KIAA1549: variants seen among roughly 807,000 people sequenced by gnomAD.
KIAA1549 encodes UPF0606 protein KIAA1549.
A neutral mutation model predicts 156.4 loss-of-function variants in KIAA1549; 70 were observed. The ratio of observed to expected loss-of-function variants is 0.45; its 90% CI spans 0.37 to 0.55. The LOEUF is 0.55. Among genes scored for constraint, KIAA1549 ranks in the 20% least tolerant of loss-of-function variants. KIAA1549 has a pLI of 0.00. For synonymous variants in KIAA1549, 1,103 were observed against 1,066.4 expected (o/e 1.03, Z -0.67); for missense variants, 2,428 against 2,540.9 (o/e 0.96, Z 0.96).
rs1370495815 is a variant in KIAA1549 at position 138,907,087 on chromosome 7, T to C, written c.3292A>G (p.Ile1098Val). ...NLTVQILNITISSSRVTPRRG... is the reference protein window; with the variant it reads ...NLTVQILNITVSSSRVTPRRG... ...CGAGGAGTCACCCTTGAGGAACTGA[T>C]GGTGATATTCAAGATCTGAAAGAAT... is the stretch of plus-strand genomic sequence containing the variant. The change falls in exon 6 of 20, where the codon ATC becomes GTC. Residue 1098 changes from isoleucine (I) to valine (V), a missense_variant. By Grantham distance (29) the Ile-to-Val change is conservative. Transcript: ENST00000422774. The C allele has an allele frequency of 6.3e-6, 10 of 1,593,478 alleles. No homozygotes were observed. The African/African-American group carries it at 6.8e-5, about 11-fold the overall frequency.
chr7:138,882,255 G>C (rs1178454281), intron 10 of KIAA1549, among the ~76,000 whole-genome samples: 3 of 152,212 alleles, frequency 2.0e-5, no homozygotes, highest in Admixed American at 1.3e-4. Context: ...AGTGAACATG[G>C]GAAGGAATGA....
intron 1 of KIAA1549, among the ~76,000 whole-genome samples, chr7:138,948,336 G>C (rs1813394396): frequency 6.6e-6 from 1 of 152,162 alleles, no homozygotes; most frequent in Non-Finnish European, 1.5e-5. Flanking sequence ...AGACAGCCAT[G>C]TGGCTGGGGT....
intron 2 of KIAA1549, among the ~76,000 whole-genome samples, chr7:138,914,187 C>T (rs1812249770): frequency 6.6e-6 from 1 of 152,124 alleles, no homozygotes; most frequent in Non-Finnish European, 1.5e-5. Context: ...GGTCTAAATG[C>T]CACTCTGCAA....
intron 17 of KIAA1549, among the ~76,000 whole-genome samples, chr7:138,851,417 C>T (rs1207003537): frequency 6.6e-6 from 1 of 152,092 alleles, no homozygotes; most frequent in African/African-American, 2.4e-5. Flanking sequence ...GGACAATGGA[C>T]CTTATCTCCA....
chr7:138,919,244 G>A lies in KIAA1549; in HGVS notation c.382C>T (p.Gln128Ter). 1 of 1,614,012 alleles carries A rather than the reference G, an allele frequency of 6.2e-7. No individual in the cohort carries two copies. The highest frequency in any genetic ancestry group is 8.5e-7 in the Non-Finnish European group (1 of 1,179,902). ...FDTAFFNQGK[Q>*]TKSTADPSIF... ...CTGGGATCTGCTGTACTTTTGGTCT[G>A]TTTTCCTTGGTTAAAAAAGGCTGTA... Residue 128 changes from glutamine to a stop codon, truncating the protein, a stop_gained, in exon 2 of 20, where the codon CAG becomes TAG. Coordinates refer to ENST00000422774, the MANE Select transcript of KIAA1549 (RefSeq NM_001164665.2). LOFTEE classifies it high-confidence loss of function.
chr7:138,850,113 G>T (rs961659663), intron 17 of KIAA1549, among the ~76,000 whole-genome samples: 2 of 151,952 alleles, frequency 1.3e-5, no homozygotes, highest in South Asian at 4.2e-4. Flanking sequence ...CAGTAGTTTT[G>T]TTTTTTTAAC....
intron 1 of KIAA1549, among the ~76,000 whole-genome samples, chr7:138,929,754 A>G (rs976817001): frequency 1.3e-5 from 2 of 152,190 alleles, no homozygotes; most frequent in African/African-American, 4.8e-5. Context: ...CAATGGTACA[A>G]TTATAGCTCA....
Position 138,916,765 on chromosome 7 carries a change from G to A in KIAA1549, c.2861C>T (p.Ala954Val). ...GGCCTTACCAGTTGTGATCAGATAG[G>A]CATCGGGGACTGTGATATCACAAAC... is the stretch of plus-strand genomic sequence containing the variant. ...PYVCDITVPD[A>V]YLITTVLARR... is the part of the protein sequence containing the mutation. The change falls in exon 2 of 20, where the codon GCC becomes GTC. Residue 954 changes from alanine to valine, a missense_variant. Ala to Val is a moderately conservative substitution (Grantham distance 64). This residue lies in a region of KIAA1549 where 762 missense variants were observed against 901.6 expected (regional missense o/e 0.85). Transcript: ENST00000422774. 6.2e-7 allele frequency: 1 copy of A among 1,613,896 alleles called. No homozygotes were observed. The highest frequency in any genetic ancestry group is 8.5e-7 in the Non-Finnish European group (1 of 1,179,820).
rs190026670 is a variant in KIAA1549 at position 138,961,667 on chromosome 7, A to T, written c.187+19416T>A. Among the ~76,000 whole-genome samples, 648 of 152,184 alleles carry T rather than the reference A, an allele frequency of 4.3e-3. 5 individuals are homozygous for T. Among genetic ancestry groups the T allele is most frequent in the African/African-American group, 0.015 (616 of 41,530 alleles). On this transcript the variant is annotated intron_variant, in intron 1 of 19. Transcript: ENST00000422774. Reference sequence around the variant, plus strand: ...CCTGCCCCATCTCACTTAAGTGATGATGATGCCACTATCAAAAAGAAAAAT... The same window carrying T: ...CCTGCCCCATCTCACTTAAGTGATGTTGATGCCACTATCAAAAAGAAAAAT...
At chr7:138,874,887 C>T (rs748553915) in intron 12 of KIAA1549, among the ~76,000 whole-genome samples, 3 of 152,082 alleles carry the variant, frequency 2.0e-5, no homozygotes, top group Admixed American at 6.5e-5. Context: ...CCCAGCTACT[C>T]GGGAGGCTGA....
In KIAA1549 at chr7:138,834,225, T is replaced by A. The variant is rs1809636030; in HGVS notation, c.*3681A>T. 5.2e-6 allele frequency: 1 copy of A among 190,814 alleles called. No homozygotes were observed. Among genetic ancestry groups the A allele is most frequent in the African/African-American group, 2.3e-5 (1 of 42,992 alleles). The allele number at this position is 190,814 out of a possible 1,614,324, so 11.8% of individuals were successfully genotyped here. ...CCCAGGTTGGAGTACAGTGGTGCAATCTCAGCTCACTGCAACCTCCACCCC... is the reference window on the plus strand; with the variant it reads ...CCCAGGTTGGAGTACAGTGGTGCAAACTCAGCTCACTGCAACCTCCACCCC... On this transcript the variant is annotated 3_prime_UTR_variant, in exon 20 of 20. Coordinates refer to ENST00000422774, the MANE Select transcript of KIAA1549 (RefSeq NM_001164665.2).
intron 8 of KIAA1549, among the ~76,000 whole-genome samples, chr7:138,902,787 C>G (rs1469650139): frequency 2.0e-5 from 3 of 151,184 alleles, no homozygotes; most frequent in African/African-American, 7.3e-5. Context: ...CCAGCCTGGG[C>G]GACAGAGCGA....
chr7:138,855,804 C>G (rs1810370378), intron 16 of KIAA1549, among the ~76,000 whole-genome samples: 2 of 152,024 alleles, frequency 1.3e-5, no homozygotes, highest in African/African-American at 4.8e-5. Flanking sequence ...ATAGGTCTTT[C>G]AAATCTCTCC....
In KIAA1549 at chr7:138,944,306, A is replaced by T. The variant is rs187113533; in HGVS notation, c.188-24868T>A. Among the ~76,000 whole-genome samples, 64 of 152,312 alleles carry T rather than the reference A, an allele frequency of 4.2e-4. 1 individual carries two copies. The highest frequency in any genetic ancestry group is 2.9e-3 in the Admixed American group (44 of 15,290). On this transcript the variant is annotated intron_variant, in intron 1 of 19. Transcript: ENST00000422774. ...TAATTGCCAAGAAGTACATCGAAGGATGCTTAATATCATTTGTCATCAAGG... is the reference window on the plus strand; with the variant it reads ...TAATTGCCAAGAAGTACATCGAAGGTTGCTTAATATCATTTGTCATCAAGG...
chr7:138,917,236 G>C lies in KIAA1549; in HGVS notation c.2390C>G (p.Pro797Arg). 1.2e-6 allele frequency: 2 copies of C among 1,613,950 alleles called. No homozygotes were observed. Among genetic ancestry groups the C allele is most frequent in the Non-Finnish European group, 1.7e-6 (2 of 1,179,886 alleles). The change falls in exon 2 of 20, where the codon CCC becomes CGC. Residue 797 changes from proline to arginine, a missense_variant. By Grantham distance (103) the Pro-to-Arg change is moderately radical. Transcript: ENST00000422774. ...GAACAAAGAAGACTCAGTTAAAATG[G>C]GCGTTGTGTGGACAGTGGTCAATGG... ...TSPLTTVHTT[P>R]ILTESSLFST...
intron 1 of KIAA1549, among the ~76,000 whole-genome samples, chr7:138,948,986 T>C (rs1813413581): frequency 6.6e-6 from 1 of 152,158 alleles, no homozygotes; most frequent in African/African-American, 2.4e-5. Flanking sequence ...ATTACAGGTG[T>C]GAGCCACCGC....
At chr7:138,899,160 T>G (rs761150581) in intron 8 of KIAA1549, 28 bp from the exon 9 acceptor site, 1 of 1,605,036 alleles carries the variant, frequency 6.2e-7, no homozygotes, top group Non-Finnish European at 8.5e-7. Context: ...CCATTCACAT[T>G]GCAGAAGCTC....
chr7:138,923,817 ATTT>A (rs986059312), intron 1 of KIAA1549, among the ~76,000 whole-genome samples: 4 of 152,168 alleles, frequency 2.6e-5, no homozygotes, highest in African/African-American at 4.8e-5. Context: ...CTGTGAATAG[ATTT>A]TTGTTTCTAC....
At chr7:138,928,815 T>C (rs984901496) in intron 1 of KIAA1549, among the ~76,000 whole-genome samples, 2 of 152,144 alleles carry the variant, frequency 1.3e-5, no homozygotes, top group Non-Finnish European at 2.9e-5. Flanking sequence ...AATGACAAGT[T>C]AATGGGCGCA....
Sources: allele counts gnomAD v4.1 joint callset (sites outside exome capture counted in the v4.1 genomes callset), GRCh38; gene constraint gnomAD v4.1.1; regional missense constraint gnomAD v4.1.1; transcripts MANE v1.5; gene names NCBI Gene and HGNC (gene_info 2026-07-23, HGNC 2026-07-21).